SMAD3: variants seen among roughly 807,000 people sequenced by gnomAD.
SMAD3 encodes MAD homolog 3.
In SMAD3, 12 loss-of-function variants were observed where a neutral mutation model predicts 51.8. The observed-to-expected ratio is 0.23, with a 90% confidence interval of 0.15 to 0.38. The LOEUF (loss-of-function observed/expected upper bound fraction) is 0.38. Ranked by LOEUF, SMAD3 falls within the 10% of genes least tolerant of loss-of-function variation. The pLI is 1.00. For missense variants in SMAD3, 294 were observed against 565.6 expected (o/e 0.52, Z 4.87); for synonymous variants, 238 against 227.7 (o/e 1.05, Z -0.41).
chr15:67,181,160 C>T, intron 5 of SMAD3, 81 bp from the exon 6 acceptor site: 1 of 1,043,080 alleles, frequency 9.6e-7, no homozygotes, highest in South Asian at 1.3e-5. Context: ...AAATGGTTTT[C>T]CAGAGTGTCC....
intron 1 of SMAD3, among the ~76,000 whole-genome samples, 153 bp downstream of exon 1, chr15:67,066,513 GC>G (rs546347424): frequency 2.0e-3 from 303 of 152,272 alleles, no homozygotes; most frequent in Non-Finnish European, 3.6e-3. Flanking sequence ...GAGAGCGCGG[GC>G]AGGAAGGGGG....
intron 1 of SMAD3, among the ~76,000 whole-genome samples, chr15:67,097,681 G>A (rs1013715143): frequency 2.0e-5 from 3 of 152,160 alleles, no homozygotes; most frequent in Non-Finnish European, 4.4e-5. Context: ...ATGAGAGCAG[G>A]GGGAGGAGTA....
chr15:67,102,840 C>T (rs1283596820), intron 1 of SMAD3, among the ~76,000 whole-genome samples: 1 of 152,170 alleles, frequency 6.6e-6, no homozygotes. Context: ...CCCTCTGCTC[C>T]TCCCAGGTGA....
intron 1 of SMAD3, among the ~76,000 whole-genome samples, chr15:67,080,620 G>A (rs956764508): frequency 5.3e-5 from 8 of 152,210 alleles, no homozygotes; most frequent in Non-Finnish European, 1.0e-4. Flanking sequence ...AGGGACTATT[G>A]GCTGGGAGTG....
intron 1 of SMAD3, among the ~76,000 whole-genome samples, chr15:67,082,752 T>G (rs982100866): frequency 2.0e-5 from 3 of 152,190 alleles, no homozygotes; most frequent in Non-Finnish European, 4.4e-5. Context: ...CAAGTGCCCT[T>G]TCATTCCAAT....
At position 67,192,465 on chromosome 15, in the gene SMAD3, C is replaced by G. The variant is rs959682599; in HGVS notation, c.*1929C>G. On this transcript the variant is annotated 3_prime_UTR_variant, in exon 9 of 9. Transcript: ENST00000327367. Reference sequence around the variant, plus strand: ...GTGCCTGGTGTGAAATGATCTATGGCCTGTTTCTTACACAGGAAGCCCCCT... The same window carrying G: ...GTGCCTGGTGTGAAATGATCTATGGGCTGTTTCTTACACAGGAAGCCCCCT... 3.4e-5 allele frequency: 8 copies of G among 233,300 alleles called. No homozygotes were observed. The highest frequency in any genetic ancestry group is 1.8e-4 in the African/African-American group (8 of 45,334). The allele number at this position is 233,300 out of a possible 1,614,324, so 14.5% of individuals were successfully genotyped here. A position where few individuals can be genotyped will look rare whatever the true frequency, so the allele number is the denominator to read the frequency against.
intron 1 of SMAD3, among the ~76,000 whole-genome samples, chr15:67,081,884 C>T (rs72743422): frequency 0.089 from 13,492 of 152,078 alleles, 908 homozygotes; most frequent in East Asian, 0.23. Flanking sequence ...ATTCCTTTGA[C>T]TCATCAGGGT....
rs139205480 is a variant in SMAD3 at position 67,084,979 on chromosome 15, C to G, written c.206+18619C>G. Reference sequence around the variant, plus strand: ...TGCCCTTTCAAACCTGGGTTAGACTCTGTGCTAATGGCTTTTTTCATGAAC... The same window carrying G: ...TGCCCTTTCAAACCTGGGTTAGACTGTGTGCTAATGGCTTTTTTCATGAAC... On this transcript the variant is annotated intron_variant, in intron 1 of 8. Transcript: ENST00000327367. 1.8e-3 allele frequency among the ~76,000 whole-genome samples: 268 copies of G among 152,288 alleles called. 2 individuals are homozygous for G. The highest frequency in any genetic ancestry group is 5.8e-3 in the African/African-American group (240 of 41,560).
intron 1 of SMAD3, among the ~76,000 whole-genome samples, chr15:67,149,810 G>A (rs183377934): frequency 6.6e-6 from 1 of 152,316 alleles, no homozygotes; most frequent in Non-Finnish European, 1.5e-5. Flanking sequence ...AGCTTGTAAA[G>A]CTTTGGTTCA....
At chr15:67,153,090 T>G (rs1786635125) in intron 1 of SMAD3, among the ~76,000 whole-genome samples, 1 of 152,054 alleles carries the variant, frequency 6.6e-6, no homozygotes, top group African/African-American at 2.4e-5. Context: ...CATCAAAAAT[T>G]TTTCATCTGT....
chr15:67,136,839 C>T (rs929993098), intron 1 of SMAD3, among the ~76,000 whole-genome samples: 15 of 152,214 alleles, frequency 9.9e-5, no homozygotes, highest in East Asian at 5.8e-4. Context: ...GGATGGAGAT[C>T]CCTGGGCTTC....
intron 1 of SMAD3, among the ~76,000 whole-genome samples, chr15:67,142,057 T>G (rs771577428): frequency 8.5e-5 from 13 of 152,162 alleles, no homozygotes; most frequent in Non-Finnish European, 2.9e-5. Flanking sequence ...AGTCACTTGC[T>G]CAAGGCCACG....
chr15:67,166,246 G>A, intron 3 of SMAD3: 1 of 885,212 alleles, frequency 1.1e-6, no homozygotes, highest in Non-Finnish European at 1.4e-6. Flanking sequence ...CTTCAGTCAG[G>A]GTCTGGGGGA....
At chr15:67,171,745 T>C (rs1383428877) in intron 5 of SMAD3, among the ~76,000 whole-genome samples, 1 of 152,178 alleles carries the variant, frequency 6.6e-6, no homozygotes, top group Admixed American at 6.6e-5. Flanking sequence ...CTTTGGGAGA[T>C]CTGTTTTAAC....
chr15:67,169,704 C>T (rs1028908524), intron 4 of SMAD3, among the ~76,000 whole-genome samples: 4 of 151,178 alleles, frequency 2.6e-5, no homozygotes, highest in Non-Finnish European at 5.9e-5. Context: ...CTCAAGTGAT[C>T]CCCCAGTCTC....
At chr15:67,151,182 C>G (rs1962132086) in intron 1 of SMAD3, among the ~76,000 whole-genome samples, 1 of 151,928 alleles carries the variant, frequency 6.6e-6, no homozygotes, top group Non-Finnish European at 1.5e-5. Flanking sequence ...TTAAGACATT[C>G]ATATATTAGT....
At chr15:67,156,736 A>G (rs1228576176) in intron 1 of SMAD3, among the ~76,000 whole-genome samples, 2 of 145,316 alleles carry the variant, frequency 1.4e-5, no homozygotes, top group South Asian at 2.3e-4. Context: ...GTTCCTTGCT[A>G]CAGATTTGGT....
In SMAD3 at chr15:67,067,416, C is replaced by T. The variant is rs1250324983; in HGVS notation, c.206+1056C>T. 5.9e-5 allele frequency among the ~76,000 whole-genome samples: 9 copies of T among 152,310 alleles called. No homozygotes were observed. The East Asian group carries it at 1.7e-3, about 29-fold the overall frequency. On this transcript the variant is annotated intron_variant, in intron 1 of 8. Coordinates refer to ENST00000327367, the MANE Select transcript of SMAD3 (RefSeq NM_005902.4). ...TGGCTTCCTGTCTCTACCTCTCAGC[C>T]TCCTTTGATGCTGAACCAAGGGAGA...
intron 4 of SMAD3, among the ~76,000 whole-genome samples, chr15:67,170,028 C>G (rs923819581): frequency 6.6e-6 from 1 of 152,148 alleles, no homozygotes; most frequent in Non-Finnish European, 1.5e-5. Flanking sequence ...TGAAATTGAT[C>G]TTTCCAGCAC....
Sources: allele counts gnomAD v4.1 joint callset (sites outside exome capture counted in the v4.1 genomes callset), GRCh38; gene constraint gnomAD v4.1.1; transcripts MANE v1.5; gene names NCBI Gene and HGNC (gene_info 2026-07-23, HGNC 2026-07-21).